The following CYP39A1 variants were observed in gnomAD, a reference collection of about 807,000 sequenced individuals.
CYP39A1 encodes the protein 24-hydroxycholesterol 7-alpha-hydroxylase.
Under a neutral mutation model 58.1 loss-of-function variants are expected in CYP39A1, and 49 were observed. That is an observed-to-expected ratio of 0.84 (90% CI 0.67 to 1.07). The LOEUF (loss-of-function observed/expected upper bound fraction) is 1.07, where lower values mean the gene tolerates loss of function less well. Among genes scored for constraint, CYP39A1 ranks in the 50% least tolerant of loss-of-function variants. The pLI, the probability that CYP39A1 is intolerant of heterozygous loss-of-function variation, is 0.00. For synonymous variants in CYP39A1, 209 were observed against 187.6 expected (o/e 1.11, Z -0.93); for missense variants, 531 against 539.4 (o/e 0.98, Z 0.16).
intron 10 of CYP39A1, among the ~76,000 whole-genome samples, chr6:46,561,706 C>A (rs1366908042): frequency 6.6e-6 from 1 of 152,022 alleles, no homozygotes; most frequent in Non-Finnish European, 1.5e-5. Context: ...TTTCTCGAAG[C>A]TTTATTACAA....
intron 7 of CYP39A1, among the ~76,000 whole-genome samples, chr6:46,598,174 T>C (rs1232882708): frequency 6.6e-6 from 1 of 152,126 alleles, no homozygotes. Flanking sequence ...ACTGGACACA[T>C]TAGTGTATTA....
chr6:46,605,433 T>G (rs1773783666), intron 7 of CYP39A1, among the ~76,000 whole-genome samples: 1 of 152,194 alleles, frequency 6.6e-6, no homozygotes, highest in African/African-American at 2.4e-5. Flanking sequence ...CTGACTGCAA[T>G]GTAATTTTTA....
intron 10 of CYP39A1, chr6:46,583,402 A>T (rs540209509): frequency 1.6e-4 from 155 of 985,218 alleles, no homozygotes; most frequent in Non-Finnish European, 1.8e-4. Flanking sequence ...AAGATCATCA[A>T]CTCTCAGAGG....
intron 10 of CYP39A1, among the ~76,000 whole-genome samples, chr6:46,569,986 C>A (rs1043611232): frequency 1.9e-4 from 29 of 152,018 alleles, no homozygotes; most frequent in African/African-American, 7.0e-4. Context: ...GGAAACAGTT[C>A]ATGGGCTTTT....
intron 1 of CYP39A1, among the ~76,000 whole-genome samples, chr6:46,644,690 C>A (rs1051887185): frequency 2.6e-5 from 4 of 152,124 alleles, no homozygotes; most frequent in Non-Finnish European, 4.4e-5. Flanking sequence ...ATATGGTTGG[C>A]TGCGTGTTTG....
At chr6:46,567,996 TAA>T (rs34700611) in intron 10 of CYP39A1, among the ~76,000 whole-genome samples, 32 of 76,000 alleles carry the variant, frequency 4.2e-4, no homozygotes, top group African/African-American at 1.9e-3. Context: ...CATTTTTTTT[TAA>T]AAAAAAAACA....
At chr6:46,597,001 G>A (rs190959645) in intron 7 of CYP39A1, among the ~76,000 whole-genome samples, 2 of 152,130 alleles carry the variant, frequency 1.3e-5, no homozygotes, top group Admixed American at 6.6e-5. Flanking sequence ...TCTTGGGAAT[G>A]AGTGGGTAAG....
intron 10 of CYP39A1, among the ~76,000 whole-genome samples, chr6:46,585,376 T>C (rs1382534900): frequency 6.6e-6 from 1 of 152,006 alleles, no homozygotes; most frequent in Non-Finnish European, 1.5e-5. Context: ...GACAGATAGC[T>C]AGATATAGTG....
At chr6:46,648,269 C>A (rs1762450462) in intron 1 of CYP39A1, among the ~76,000 whole-genome samples, 1 of 151,974 alleles carries the variant, frequency 6.6e-6, no homozygotes, top group Admixed American at 6.6e-5. Flanking sequence ...ACCCAAATGT[C>A]CATCAATGAT....
intron 10 of CYP39A1, among the ~76,000 whole-genome samples, chr6:46,556,405 C>T (rs1324359562): frequency 6.6e-6 from 1 of 152,096 alleles, no homozygotes; most frequent in Non-Finnish European, 1.5e-5. Flanking sequence ...AGAAAGAGAG[C>T]GCACAAGAGT....
intron 10 of CYP39A1, among the ~76,000 whole-genome samples, chr6:46,571,356 T>A (rs1232807266): frequency 6.6e-6 from 1 of 152,154 alleles, no homozygotes; most frequent in East Asian, 1.9e-4. Context: ...TTGATATTTA[T>A]TTATCCCTTC....
intron 10 of CYP39A1, among the ~76,000 whole-genome samples, chr6:46,560,425 G>C (rs1479995002): frequency 1.3e-5 from 2 of 152,170 alleles, no homozygotes; most frequent in African/African-American, 4.8e-5. Flanking sequence ...TTATACATGT[G>C]AAGAATATAA....
intron 7 of CYP39A1, among the ~76,000 whole-genome samples, chr6:46,625,005 A>G (rs1452382919): frequency 6.6e-6 from 1 of 152,086 alleles, no homozygotes; most frequent in Non-Finnish European, 1.5e-5. Context: ...CCTGACCTCT[A>G]CAGTCCTATT....
At chr6:46,551,371 A>AAG (rs1156678928) in intron 11 of CYP39A1, among the ~76,000 whole-genome samples, 2 of 139,940 alleles carry the variant, frequency 1.4e-5, no homozygotes, top group Non-Finnish European at 3.0e-5. Flanking sequence ...AGTAAAATGA[A>AAG]AAAAAAAAAA....
At chr6:46,555,968 A>G (rs1338128039) in intron 10 of CYP39A1, among the ~76,000 whole-genome samples, 2 of 152,244 alleles carry the variant, frequency 1.3e-5, no homozygotes, top group African/African-American at 4.8e-5. Flanking sequence ...ATGAAATAGG[A>G]CATGGCTAAT....
At chr6:46,626,764 T>C (rs1157134525) in intron 6 of CYP39A1, among the ~76,000 whole-genome samples, 1 of 152,216 alleles carries the variant, frequency 6.6e-6, no homozygotes. Context: ...TCTTGTCCTG[T>C]CTCTACTCAG....
rs894393723 is a variant in CYP39A1, at chr6:46,553,271, A to C, written c.1338+496T>G. 5.3e-5 allele frequency among the ~76,000 whole-genome samples: 8 copies of C among 152,286 alleles called. No homozygotes were observed. The East Asian group carries it at 1.5e-3, about 29-fold the overall frequency. ...GATCTACAGAAAACTTAAATGACTG[A>C]ATATTCAATAGTTTGAGGTAGGAAT... On this transcript the variant is annotated intron_variant, in intron 11 of 11. Coordinates refer to ENST00000275016, the MANE Select transcript of CYP39A1 (RefSeq NM_016593.5).
At chr6:46,641,827 A>G (rs1450205809) in intron 2 of CYP39A1, among the ~76,000 whole-genome samples, 1 of 152,242 alleles carries the variant, frequency 6.6e-6, no homozygotes, top group African/African-American at 2.4e-5. Context: ...TACCCTGTAG[A>G]ACACTGTATA....
intron 10 of CYP39A1, among the ~76,000 whole-genome samples, chr6:46,565,488 A>T (rs893612588): frequency 2.7e-5 from 4 of 145,940 alleles, no homozygotes; most frequent in African/African-American, 1.1e-4. Context: ...AAGAAAACAT[A>T]AAAAAAAGAA....
Sources: gnomAD v4.1 joint callset for allele counts (sites outside exome capture counted in the v4.1 genomes callset) on GRCh38, gnomAD v4.1.1 for gene constraint, MANE v1.5 for transcripts, NCBI Gene and HGNC (gene_info 2026-07-23, HGNC 2026-07-21) for gene names.